Variants in FREM2 observed in about 807,000 individuals in gnomAD.
FREM2 encodes FRAS1 related extracellular matrix 2.
A neutral mutation model predicts 219.9 loss-of-function variants in FREM2; 119 were observed. The observed-to-expected ratio is 0.54, with a 90% CI of 0.47 to 0.63. The LOEUF (loss-of-function observed/expected upper bound fraction) is 0.63, where lower values mean the gene tolerates loss of function less well. FREM2 is among the 30% of genes least tolerant of loss of function. FREM2 has a pLI of 0.00. For missense variants in FREM2, 4,030 were observed against 3,993.6 expected, an observed-to-expected ratio of 1.01 and a Z score of -0.25; for synonymous variants, 1,562 against 1,522.8, an observed-to-expected ratio of 1.03 and a Z score of -0.60.
intron 16 of FREM2, among the ~76,000 whole-genome samples, chr13:38,868,509 TTGAATGTGAG>T (rs532625233): frequency 6.6e-6 from 1 of 152,214 alleles, no homozygotes; most frequent in Non-Finnish European, 1.5e-5. Context: ...GGGCATTAAA[TTGAATGTGAG>T]TGAATGTGAG....
chr13:38,746,398 A>G (rs71439780), intron 2 of FREM2, among the ~76,000 whole-genome samples: 2,198 of 152,264 alleles, frequency 0.014, 16 homozygotes, highest in Non-Finnish European at 0.023. Flanking sequence ...AGATTTTGCC[A>G]TAACACATAA....
At position 38,690,984 on chromosome 13, in the gene FREM2, A is replaced by G; in HGVS notation, c.3640A>G (p.Asn1214Asp). 1.2e-6 allele frequency: 2 copies of G among 1,614,124 alleles called. No homozygotes were observed. Among genetic ancestry groups the G allele is most frequent in the Non-Finnish European group, 1.7e-6 (2 of 1,179,972 alleles). ...MSLVIDTPIL[N>D]AADADVPLDD... ...TCTGGTAATTGATACACCCATTCTC[A>G]ATGCTGCTGATGCTGATGTTCCCCT... Residue 1214 changes from asparagine (N) to aspartate (D), a missense_variant, in exon 1 of 24, where the codon AAT becomes GAT. Physicochemically the swap from Asn to Asp is conservative, Grantham distance 23 (BLOSUM62 1). This residue lies in a region of FREM2 where 3,102 missense variants were observed against 2,950.7 expected (regional missense o/e 1.05). Coordinates refer to ENST00000280481, the MANE Select transcript of FREM2 (RefSeq NM_207361.6).
In FREM2 at chr13:38,691,540, C is replaced by G; in HGVS notation, c.4196C>G (p.Thr1399Ser). The G allele has an allele frequency of 6.2e-7, 1 of 1,614,138 alleles. No individual in the cohort carries two copies. Among genetic ancestry groups the G allele is most frequent in the East Asian group, 2.2e-5 (1 of 44,888 alleles). The change falls in exon 1 of 24, where the codon ACT (threonine) becomes AGT (serine). Residue 1399 changes from threonine to serine, a missense_variant. Around this residue, in one of 2 missense-constraint regions of FREM2, gnomAD observed 3,102 missense variants for 2,950.7 expected, o/e 1.05. Coordinates refer to ENST00000280481, the MANE Select transcript of FREM2 (RefSeq NM_207361.6). ...CGGGACCTAATTAAATTTGATGTGA[C>G]TGATGGAATAAATCCCCTCATAGAT... is the stretch of plus-strand genomic sequence containing the variant. ...GIRDLIKFDV[T>S]DGINPLIDRY... is the part of the protein sequence containing the mutation.
At chr13:38,789,257 G>A (rs919316478) in intron 6 of FREM2, among the ~76,000 whole-genome samples, 1 of 151,780 alleles carries the variant, frequency 6.6e-6, no homozygotes, top group Admixed American at 6.6e-5. Context: ...TTGGCCTATT[G>A]TTTGGCTTCC....
rs1324803311 is a variant in FREM2 at position 38,878,938 on chromosome 13, A to G, written c.8967A>G (p.Gly2989=). The G allele has an allele frequency of 6.2e-7, 1 of 1,614,130 alleles. No individual in the cohort carries two copies. The highest frequency in any genetic ancestry group is 1.7e-5 in the Admixed American group (1 of 60,020). ...PEAILLVNQP[G]SDGFKVDSTP... Reference sequence around the variant, plus strand: ...CCATTCTCTTAGTGAATCAGCCTGGATCTGATGGATTTAAAGTCGACTCAA... The same window carrying G: ...CCATTCTCTTAGTGAATCAGCCTGGGTCTGATGGATTTAAAGTCGACTCAA... Residue 2989 remains glycine, a synonymous_variant, in exon 23 of 24, where the codon GGA becomes GGG. Coordinates refer to ENST00000280481, the MANE Select transcript of FREM2 (RefSeq NM_207361.6).
rs537325819 is a variant in FREM2 at position 38,738,144 on chromosome 13, C to G, written c.5264-26160C>G. Among the ~76,000 whole-genome samples, 46 of 152,252 alleles carry G rather than the reference C, an allele frequency of 3.0e-4. 1 individual carries two copies. In the South Asian group the frequency reaches 9.1e-3, roughly 30 times the overall value. On this transcript the variant is annotated intron_variant, in intron 2 of 23. Coordinates refer to ENST00000280481, the MANE Select transcript of FREM2 (RefSeq NM_207361.6). ...TCTGGTAGCTGAAAGGAAGAAAACACTGTTTTCTACAATATGGAACACAAA... is the reference window on the plus strand; with the variant it reads ...TCTGGTAGCTGAAAGGAAGAAAACAGTGTTTTCTACAATATGGAACACAAA...
chr13:38,772,452 A>C (rs1183179651), intron 4 of FREM2, among the ~76,000 whole-genome samples: 1 of 152,106 alleles, frequency 6.6e-6, no homozygotes, highest in East Asian at 1.9e-4. Flanking sequence ...ATGTAAACAT[A>C]TGTAAGTCTA....
At chr13:38,868,116 C>G (rs981408455) in intron 16 of FREM2, among the ~76,000 whole-genome samples, 1 of 152,176 alleles carries the variant, frequency 6.6e-6, no homozygotes, top group Non-Finnish European at 1.5e-5. Context: ...CTCCTACACC[C>G]TCACCTCAAC....
chr13:38,688,014 T>A lies in FREM2; in HGVS notation c.670T>A (p.Leu224Met). The change falls in exon 1 of 24, where the codon TTG (leucine) becomes ATG (methionine). Residue 224 changes from leucine (L) to methionine (M), a missense_variant. This residue lies in a region of FREM2 where 3,102 missense variants were observed against 2,950.7 expected (regional missense o/e 1.05). Transcript: ENST00000280481. ...EECRVGILSG[L>M]GALPRYGELL... ...GTGCCGCGTGGGCATCCTGTCCGGC[T>A]TGGGCGCGCTGCCTCGCTATGGAGA... 6.2e-7 allele frequency: 1 copy of A among 1,611,770 alleles called. No individual in the cohort carries two copies. Among genetic ancestry groups the A allele is most frequent in the Non-Finnish European group, 8.5e-7 (1 of 1,178,440 alleles).
chr13:38,880,823 C>G lies in FREM2; in HGVS notation c.*36C>G. ...TAGAATTCAACCTTTTCCGTAAGTG[C>G]CTCGGAAAAGATCACAATGGAACCT... On this transcript the variant is annotated 3_prime_UTR_variant, in exon 24 of 24. Coordinates refer to ENST00000280481, the MANE Select transcript of FREM2 (RefSeq NM_207361.6). 2 of 1,610,920 alleles carry G rather than the reference C, an allele frequency of 1.2e-6. No individual in the cohort carries two copies. Among genetic ancestry groups the G allele is most frequent in the Non-Finnish European group, 1.7e-6 (2 of 1,177,658 alleles).
intron 5 of FREM2, among the ~76,000 whole-genome samples, chr13:38,783,833 A>G (rs1168549667): frequency 6.6e-6 from 1 of 152,266 alleles, no homozygotes; most frequent in Non-Finnish European, 1.5e-5. Context: ...TCAGTGGCTC[A>G]TGCCTGTAAT....
At chr13:38,747,217 T>C (rs1872520038) in intron 2 of FREM2, among the ~76,000 whole-genome samples, 1 of 152,100 alleles carries the variant, frequency 6.6e-6, no homozygotes, top group South Asian at 2.1e-4. Context: ...TATTAAAAGA[T>C]AGTTATGAGA....
chr13:38,811,416 G>A (rs1298143364), intron 6 of FREM2, among the ~76,000 whole-genome samples: 2 of 151,780 alleles, frequency 1.3e-5, no homozygotes, highest in African/African-American at 4.8e-5. Flanking sequence ...AGTTTTTTCT[G>A]TTTTTTGATG....
chr13:38,715,501 A>G (rs1870961855), intron 2 of FREM2, among the ~76,000 whole-genome samples: 1 of 152,172 alleles, frequency 6.6e-6, no homozygotes, highest in African/African-American at 2.4e-5. Flanking sequence ...AGACTTGCCA[A>G]GAGTCTGTGG....
At position 38,870,304 on chromosome 13, in the gene FREM2, G is replaced by A. The variant is rs146776208; in HGVS notation, c.7984-2438G>A. ...AGTGTGTAGCAGAATAAATTTGACAGTGTGTTACTTTTTCCATGGTATTTG... is the reference window on the plus strand; with the variant it reads ...AGTGTGTAGCAGAATAAATTTGACAATGTGTTACTTTTTCCATGGTATTTG... On this transcript the variant is annotated intron_variant, in intron 16 of 23. Transcript: ENST00000280481. Among the ~76,000 whole-genome samples the A allele has an allele frequency of 1.9e-3, 290 of 152,230 alleles. 1 individual carries two copies. The highest frequency in any genetic ancestry group is 6.8e-3 in the African/African-American group (282 of 41,534).
rs781766115 is a variant in FREM2, at chr13:38,690,505, C to G, written c.3161C>G (p.Thr1054Ser). The change falls in exon 1 of 24, where the codon ACT becomes AGT. Residue 1054 changes from threonine (T) to serine (S), a missense_variant. Thr to Ser is a moderately conservative substitution (Grantham distance 58). Around this residue, in one of 2 missense-constraint regions of FREM2, gnomAD observed 3,102 missense variants for 2,950.7 expected, o/e 1.05. Coordinates refer to ENST00000280481, the MANE Select transcript of FREM2 (RefSeq NM_207361.6). ...RIGGNTIQGV[T>S]IWVTILPVDS... ...GGTGGCAATACTATCCAAGGAGTTA[C>G]TATATGGGTGACCATCCTGCCTGTT... 1 of 1,614,118 alleles carries G rather than the reference C, an allele frequency of 6.2e-7. No individual in the cohort carries two copies.
chr13:38,772,784 C>A (rs1873718731), intron 4 of FREM2, among the ~76,000 whole-genome samples: 1 of 151,818 alleles, frequency 6.6e-6, no homozygotes, highest in African/African-American at 2.4e-5. Context: ...GCAACCTTCG[C>A]CTCCTGGGTT....
At chr13:38,837,958 C>A (rs1486877257) in intron 6 of FREM2, among the ~76,000 whole-genome samples, 1 of 152,084 alleles carries the variant, frequency 6.6e-6, no homozygotes, top group East Asian at 1.9e-4. Context: ...AGCCCATTTA[C>A]ATTTAAGATT....
At chr13:38,771,474 A>G (rs1873657771) in intron 4 of FREM2, among the ~76,000 whole-genome samples, 1 of 152,116 alleles carries the variant, frequency 6.6e-6, no homozygotes, top group African/African-American at 2.4e-5. Flanking sequence ...CTGCCTTCCT[A>G]TTTATAAGCT....
Sources: allele counts gnomAD v4.1 joint callset (sites outside exome capture counted in the v4.1 genomes callset), GRCh38; gene constraint gnomAD v4.1.1; regional missense constraint gnomAD v4.1.1; transcripts MANE v1.5; gene names NCBI Gene and HGNC (gene_info 2026-07-23, HGNC 2026-07-21).